ZMYND10: variants seen among roughly 807,000 people sequenced by gnomAD.
ZMYND10 encodes zinc finger MYND-type containing 10.
A neutral mutation model predicts 62.6 loss-of-function variants in ZMYND10; 52 were observed. That is an observed-to-expected ratio of 0.83 (90% CI 0.67 to 1.05). The LOEUF is 1.05. Ranked by LOEUF, ZMYND10 falls within the 50% of genes least tolerant of loss-of-function variation. The pLI is 0.00. For missense variants in ZMYND10, 438 were observed against 543.3 expected (o/e 0.81, Z 1.93); for synonymous variants, 197 against 218.5 (o/e 0.90, Z 0.87).
intron 2 of ZMYND10, 171 bp from the exon 3 acceptor site, chr3:50,344,021 T>C (rs1559851929): frequency 4.9e-6 from 3 of 617,044 alleles, no homozygotes; most frequent in Non-Finnish European, 8.6e-6. Flanking sequence ...TGGACCTTCA[T>C]TACCAGCTGC....
At position 50,345,628 on chromosome 3, in the gene ZMYND10, G is replaced by A. The variant is rs956328322; in HGVS notation, c.-49C>T. On this transcript the variant is annotated 5_prime_UTR_variant, in exon 1 of 12. Coordinates refer to ENST00000231749, the MANE Select transcript of ZMYND10 (RefSeq NM_015896.4). This position sits in a 1 kb window ranked among gnomAD's most constrained non-coding sequence, Gnocchi z 5.0. ...CCTGGGCAGCAGCCGGGGTGGGGATGCTGTCACATTCGGGGACGACGGACC... is the reference window on the plus strand; with the variant it reads ...CCTGGGCAGCAGCCGGGGTGGGGATACTGTCACATTCGGGGACGACGGACC... 6.5e-7 allele frequency: 1 copy of A among 1,547,408 alleles called. No homozygotes were observed. Among genetic ancestry groups the A allele is most frequent in the Non-Finnish European group, 8.7e-7 (1 of 1,146,470 alleles).
chr3:50,342,172 T>G (rs756125730), intron 8 of ZMYND10, 32 bp from the exon 9 acceptor site: 27 of 1,598,892 alleles, frequency 1.7e-5, no homozygotes, highest in Non-Finnish European at 2.2e-5. Flanking sequence ...GCCAGTGTGA[T>G]GCAGGTGCTG....
Position 50,345,178 on chromosome 3 carries a change from A to G in ZMYND10, c.147T>C (p.Asp49=), listed in dbSNP as rs1703505960. The change falls in exon 2 of 12, where the codon GAT becomes GAC. Residue 49 remains aspartate, a synonymous_variant. Transcript: ENST00000231749. This position sits in a 1 kb window ranked among gnomAD's most constrained non-coding sequence, Gnocchi z 5.0. ...LEKLNMQAIL[D]ATVSQGEPIQ... is the part of the protein sequence containing the mutation. Reference sequence around the variant, plus strand: ...TGGGCTCGCCCTGGCTGACTGTGGCATCGAGGATGGCTTGCATGTTCAGCT... The same window carrying G: ...TGGGCTCGCCCTGGCTGACTGTGGCGTCGAGGATGGCTTGCATGTTCAGCT... 2 of 1,613,970 alleles carry G rather than the reference A, an allele frequency of 1.2e-6. No individual in the cohort carries two copies. Among genetic ancestry groups the G allele is most frequent in the African/African-American group, 1.3e-5 (1 of 74,918 alleles).
intron 11 of ZMYND10, 23 bp downstream of exon 11, chr3:50,341,551 C>A: frequency 6.2e-7 from 1 of 1,614,192 alleles, no homozygotes; most frequent in South Asian, 1.1e-5. Context: ...GCTTAGAGGT[C>A]CAAGGTTCTA....
At position 50,345,518 on chromosome 3, in the gene ZMYND10, C is replaced by T; in HGVS notation, c.62G>A (p.Ser21Asn). Residue 21 changes from serine (S) to asparagine (N), a missense_variant, in exon 1 of 12, where the codon AGC becomes AAC. Ser to Asn is a conservative substitution (Grantham distance 46). Coordinates refer to ENST00000231749, the MANE Select transcript of ZMYND10 (RefSeq NM_015896.4). This position sits in a 1 kb window ranked among gnomAD's most constrained non-coding sequence, Gnocchi z 5.0. ...EAEVLVRGLR[S>N]FPLREMGSEG... ...GGAGCCCATCTCGCGTAGCGGGAAG[C>T]TGCGCAGACCCCGCACCAGCACTTC... 2.5e-6 allele frequency: 4 copies of T among 1,609,038 alleles called. No individual in the cohort carries two copies. Among genetic ancestry groups the T allele is most frequent in the Non-Finnish European group, 3.4e-6 (4 of 1,178,270 alleles).
At chr3:50,343,708 A>T (rs1324608292) in intron 3 of ZMYND10, 26 bp downstream of exon 3, 1 of 1,613,760 alleles carries the variant, frequency 6.2e-7, no homozygotes, top group Admixed American at 1.7e-5. Flanking sequence ...GAGTGAGAAG[A>T]GGTATGAACC....
chr3:50,341,157 A>G lies in ZMYND10; in HGVS notation c.*253T>C. 8.2e-6 allele frequency: 5 copies of G among 612,330 alleles called. No individual in the cohort carries two copies. The highest frequency in any genetic ancestry group is 1.4e-5 in the Non-Finnish European group (5 of 349,568). 37.9% of individuals were successfully genotyped at this position (612,330 alleles called of 1,614,324 possible). ...TGTGCTAGAGGAAGAGGGTCCCCAC[A>G]TCCGGCCCTGGCCCTCCTGGTCCGG... On this transcript the variant is annotated 3_prime_UTR_variant, in exon 12 of 12. Coordinates refer to ENST00000231749, the MANE Select transcript of ZMYND10 (RefSeq NM_015896.4).
Position 50,343,801 on chromosome 3 carries a change from T to A in ZMYND10, c.251A>T (p.Lys84Met), listed in dbSNP as rs1703460831. The A allele has an allele frequency of 6.2e-7, 1 of 1,614,198 alleles. No individual in the cohort carries two copies. Among genetic ancestry groups the A allele is most frequent in the South Asian group, 1.1e-5 (1 of 91,086 alleles). ...ELIAVEMWKQ[K>M]VFPVFCRVED... ...CACCCTGCAGAACACAGGGAACACC[T>A]TCTGCTTCCACATCTCCACTGCGAT... The change falls in exon 3 of 12, where the codon AAG becomes ATG. Residue 84 changes from lysine to methionine, a missense_variant. Transcript: ENST00000231749.
Position 50,345,266 on chromosome 3 carries a change from T to G in ZMYND10, c.93-34A>C. ...GAGGGTAAGTGCATGTGCGTCCACG[T>G]GTGTGCATTAGGAGTGGGGATGGGG... On this transcript the variant is annotated intron_variant, in intron 1 of 11. Coordinates refer to ENST00000231749, the MANE Select transcript of ZMYND10 (RefSeq NM_015896.4). This position sits in a 1 kb window ranked among gnomAD's most constrained non-coding sequence, Gnocchi z 5.0. The G allele has an allele frequency of 1.2e-6, 2 of 1,602,600 alleles. No homozygotes were observed. The highest frequency in any genetic ancestry group is 1.7e-6 in the Non-Finnish European group (2 of 1,173,218).
chr3:50,342,732 G>T, intron 7 of ZMYND10, 163 bp from the exon 8 acceptor site: 2 of 1,468,598 alleles, frequency 1.4e-6, no homozygotes, highest in Non-Finnish European at 9.0e-7. Flanking sequence ...GTGAGCCTCA[G>T]TAGTGGACAC....
At position 50,341,332 on chromosome 3, in the gene ZMYND10, C is replaced by G. The variant is rs1330699645; in HGVS notation, c.*78G>C. 5.1e-6 allele frequency: 8 copies of G among 1,563,020 alleles called. No individual in the cohort carries two copies. Among genetic ancestry groups the G allele is most frequent in the Admixed American group, 3.4e-5 (2 of 59,042 alleles). On this transcript the variant is annotated 3_prime_UTR_variant, in exon 12 of 12. Transcript: ENST00000231749. Reference sequence around the variant, plus strand: ...GACTGGGGCTCCGGCAGAGGCTGGACCGTGATCTTGAGGTTCAGGGGTGCA... The same window carrying G: ...GACTGGGGCTCCGGCAGAGGCTGGAGCGTGATCTTGAGGTTCAGGGGTGCA...
In ZMYND10 at chr3:50,345,082, G is replaced by GT. The variant is rs768092840; in HGVS notation, c.201+41dup. On this transcript the variant is annotated intron_variant, in intron 2 of 11. Transcript: ENST00000231749. This position sits in a 1 kb window ranked among gnomAD's most constrained non-coding sequence, Gnocchi z 5.0. ...ACTCCGGAGGGGTAGAGTAGGTGAG[G>GT]TATGGGGGAAGGCAGGAACCCTGCC... 6.3e-5 allele frequency: 99 copies of GT among 1,578,384 alleles called. No individual in the cohort carries two copies. In the Admixed American group the frequency reaches 7.7e-4, roughly 12 times the overall value.
chr3:50,341,669 T>C lies in ZMYND10; in HGVS notation c.1152A>G (p.Leu384=). Residue 384 remains leucine (L), a synonymous_variant, in exon 11 of 12, where the codon CTA becomes CTG. Transcript: ENST00000231749. ...GGGGCCGCTCTGGAGCCACTGCCTC[T>C]AGCACATCCAGCCTGTAGGTCTCAG... ...RWAETYRLDV[L]EAVAPERPRC... 6.2e-7 allele frequency: 1 copy of C among 1,614,220 alleles called. No homozygotes were observed. Among genetic ancestry groups the C allele is most frequent in the Non-Finnish European group, 8.5e-7 (1 of 1,180,030 alleles).
intron 8 of ZMYND10, 74 bp from the exon 9 acceptor site, chr3:50,342,214 G>T: frequency 1.3e-6 from 2 of 1,588,392 alleles, no homozygotes; most frequent in Non-Finnish European, 1.7e-6. Context: ...AAGGGGCTGG[G>T]TTGGGCTGAG....
chr3:50,344,615 G>A (rs1182437503), intron 2 of ZMYND10, among the ~76,000 whole-genome samples: 2 of 140,802 alleles, frequency 1.4e-5, no homozygotes, highest in African/African-American at 5.3e-5. Context: ...TACCATGCCC[G>A]GCTTTTTTTT....
At position 50,345,419 on chromosome 3, in the gene ZMYND10, C is replaced by A; in HGVS notation, c.92+69G>T. On this transcript the variant is annotated intron_variant, in intron 1 of 11. Coordinates refer to ENST00000231749, the MANE Select transcript of ZMYND10 (RefSeq NM_015896.4). The surrounding 1 kb of genome is among the most constrained non-coding windows in gnomAD (Gnocchi z 5.0). Reference sequence around the variant, plus strand: ...CCTCCACACTGGGCAGCCCCTCCCCCGAGTCAGGCCCCAGCTCCCCGACTC... The same window carrying A: ...CCTCCACACTGGGCAGCCCCTCCCCAGAGTCAGGCCCCAGCTCCCCGACTC... 6.5e-7 allele frequency: 1 copy of A among 1,542,506 alleles called. No individual in the cohort carries two copies. Among genetic ancestry groups the A allele is most frequent in the Non-Finnish European group, 8.8e-7 (1 of 1,140,440 alleles).
In ZMYND10 at chr3:50,341,723, G is replaced by C. The variant is rs112493847; in HGVS notation, c.1122-24C>G. On this transcript the variant is annotated intron_variant, in intron 10 of 11. Coordinates refer to ENST00000231749, the MANE Select transcript of ZMYND10 (RefSeq NM_015896.4). ...ACCTGGGGGAAAGTCAGGAAGGTCT[G>C]ACTGGCCCTGGAAGGTGGGGGCACC... The C allele has an allele frequency of 1.9e-5, 30 of 1,613,572 alleles. No homozygotes were observed. In the African/African-American group the frequency reaches 1.9e-4, roughly 10 times the overall value.
intron 2 of ZMYND10, 25 bp from the exon 3 acceptor site, chr3:50,343,875 G>A: frequency 6.2e-7 from 1 of 1,606,570 alleles, no homozygotes; most frequent in South Asian, 1.1e-5. Flanking sequence ...GTAAAGGACA[G>A]GGATGAGATG....
At position 50,345,497 on chromosome 3, in the gene ZMYND10, C is replaced by T. The variant is rs1703516836; in HGVS notation, c.83G>A (p.Gly28Asp). 1 of 1,604,038 alleles carries T rather than the reference C, an allele frequency of 6.2e-7. No homozygotes were observed. Among genetic ancestry groups the T allele is most frequent in the Admixed American group, 1.7e-5 (1 of 59,114 alleles). Residue 28 changes from glycine to aspartate, a missense_variant, in exon 1 of 12, where the codon GGC becomes GAC. Physicochemically the swap from Gly to Asp is moderately conservative, Grantham distance 94. Coordinates refer to ENST00000231749, the MANE Select transcript of ZMYND10 (RefSeq NM_015896.4). This position sits in a 1 kb window ranked among gnomAD's most constrained non-coding sequence, Gnocchi z 5.0. ...GACCCGGGTGCCTCACCCTTCGGAG[C>T]CCATCTCGCGTAGCGGGAAGCTGCG... ...GLRSFPLREM[G>D]SEGWNQQHEN...
Sources: gnomAD v4.1 joint callset for allele counts (sites outside exome capture counted in the v4.1 genomes callset) on GRCh38, gnomAD v4.1.1 for gene constraint, Gnocchi (gnomAD v3.1) non-coding constraint, MANE v1.5 for transcripts, NCBI Gene and HGNC (gene_info 2026-07-23, HGNC 2026-07-21) for gene names.